ZKSCAN5: variants seen among roughly 807,000 people sequenced by gnomAD.
ZKSCAN5 encodes zinc finger protein with KRAB and SCAN domains 5.
A neutral mutation model predicts 60.0 loss-of-function variants in ZKSCAN5; 28 were observed. The ratio of observed to expected loss-of-function variants is 0.47; its 90% CI spans 0.35 to 0.64. The LOEUF (loss-of-function observed/expected upper bound fraction) is 0.64. Among genes scored for constraint, ZKSCAN5 ranks in the 30% least tolerant of loss-of-function variants. The pLI is 0.01. For synonymous variants in ZKSCAN5, 361 were observed against 371.2 expected, an observed-to-expected ratio of 0.97 and a Z score of 0.31; for missense variants, 881 against 1,034.6, an observed-to-expected ratio of 0.85 and a Z score of 2.04.
In ZKSCAN5 at chr7:99,513,075, G is replaced by T. The variant is rs1214984425; in HGVS notation, c.553+484G>T. Among the ~76,000 whole-genome samples, 11 of 148,612 alleles carry T rather than the reference G, an allele frequency of 7.4e-5. No homozygotes were observed. In the Admixed American group the frequency reaches 7.6e-4, roughly 10 times the overall value. On this transcript the variant is annotated intron_variant, in intron 3 of 6. Coordinates refer to ENST00000326775, the MANE Select transcript of ZKSCAN5 (RefSeq NM_145102.4). ...TCCCACCTATGAGTGAGAATATGCGGTGTTTGGTTTTTTGTTCTTGCGATA... is the reference window on the plus strand; with the variant it reads ...TCCCACCTATGAGTGAGAATATGCGTTGTTTGGTTTTTTGTTCTTGCGATA...
intron 2 of ZKSCAN5, among the ~76,000 whole-genome samples, chr7:99,509,267 G>A (rs1800908019): frequency 6.6e-6 from 1 of 152,174 alleles, no homozygotes; most frequent in African/African-American, 2.4e-5. Context: ...GGGATTACAG[G>A]CGTAAGCCAC....
intron 5 of ZKSCAN5, among the ~76,000 whole-genome samples, chr7:99,522,498 G>C (rs1052866844): frequency 6.6e-6 from 1 of 150,602 alleles, no homozygotes; most frequent in African/African-American, 2.4e-5. Context: ...TTTTGAGACA[G>C]TGTCTCGCTC....
chr7:99,515,012 G>C (rs1216481081), intron 3 of ZKSCAN5, among the ~76,000 whole-genome samples: 1 of 151,922 alleles, frequency 6.6e-6, no homozygotes, highest in Non-Finnish European at 1.5e-5. Flanking sequence ...CCAGGAATTC[G>C]AGGCTGCAGT....
intron 2 of ZKSCAN5, among the ~76,000 whole-genome samples, chr7:99,510,926 T>A (rs763452502): frequency 6.6e-6 from 1 of 152,048 alleles, no homozygotes; most frequent in Non-Finnish European, 1.5e-5. Context: ...ATATTTTTAG[T>A]AGAGGTGTGG....
Position 99,532,228 on chromosome 7 carries a change from T to G in ZKSCAN5, c.2499T>G (p.Ser833Arg). The change falls in exon 7 of 7, where the codon AGT becomes AGG. Residue 833 changes from serine (S) to arginine (R), a missense_variant. By Grantham distance (110) the Ser-to-Arg change is moderately radical (BLOSUM62 -1). Transcript: ENST00000326775. ...HERTDPINTL[S>R]VEGSLL The stretch of plus-strand genomic sequence containing the variant: ...GGACAGATCCCATAAATACCTTAAG[T>G]GTAGAGGGGTCTCTGTTGTAGAATA... 1 of 1,589,634 alleles carries G rather than the reference T, an allele frequency of 6.3e-7. No individual in the cohort carries two copies. Among genetic ancestry groups the G allele is most frequent in the Non-Finnish European group, 8.5e-7 (1 of 1,171,612 alleles).
chr7:99,524,997 C>G (rs1207141454), intron 5 of ZKSCAN5, among the ~76,000 whole-genome samples: 1 of 151,452 alleles, frequency 6.6e-6, no homozygotes, highest in African/African-American at 2.4e-5. Flanking sequence ...GACACCCTGT[C>G]TCTGCTAAAA....
intron 5 of ZKSCAN5, 81 bp downstream of exon 5, chr7:99,520,385 T>C: frequency 6.8e-7 from 1 of 1,469,904 alleles, no homozygotes; most frequent in Non-Finnish European, 9.1e-7. Context: ...CATCTTATAA[T>C]GGCATTTATG....
rs774509272 is a variant in ZKSCAN5, at chr7:99,512,571, C to G, written c.533C>G (p.Pro178Arg). The G allele has an allele frequency of 6.2e-7, 1 of 1,614,016 alleles. No homozygotes were observed. The highest frequency in any genetic ancestry group is 8.5e-7 in the Non-Finnish European group (1 of 1,180,000). The change falls in exon 3 of 7, where the codon CCT becomes CGT. Residue 178 changes from proline (P) to arginine (R), a missense_variant. Pro to Arg is a moderately radical substitution (Grantham distance 103). Around this residue, in one of 5 missense-constraint regions of ZKSCAN5, gnomAD observed 490 missense variants for 554.5 expected, o/e 0.88. Coordinates refer to ENST00000326775, the MANE Select transcript of ZKSCAN5 (RefSeq NM_145102.4). ...DTQPEQAPQK[P>R]RLLEENALPV... The stretch of plus-strand genomic sequence containing the variant: ...CAGCCTGAGCAAGCGCCACAGAAGC[C>G]TCGTCTCCTGGAGGAAAATGGTGAG...
At chr7:99,512,314 G>T in intron 2 of ZKSCAN5, 139 bp from the exon 3 acceptor site, 1 of 1,019,682 alleles carries the variant, frequency 9.8e-7, no homozygotes, top group Non-Finnish European at 1.4e-6. Context: ...TTAAGTAACT[G>T]CATAATCAGT....
intron 3 of ZKSCAN5, 92 bp from the exon 4 acceptor site, chr7:99,519,735 C>A: frequency 7.9e-7 from 1 of 1,266,782 alleles, no homozygotes; most frequent in Non-Finnish European, 1.1e-6. Flanking sequence ...GCAGTAGGGG[C>A]CATTATGGAT....
At chr7:99,506,553 T>C (rs1800740701) in intron 2 of ZKSCAN5, 95 bp downstream of exon 2, 11 of 1,418,270 alleles carry the variant, frequency 7.8e-6, no homozygotes, top group Non-Finnish European at 9.4e-6. Context: ...GCTTCATTCA[T>C]ATTCTTTTGT....
At position 99,517,640 on chromosome 7, in the gene ZKSCAN5, C is replaced by G. The variant is rs567100684; in HGVS notation, c.554-2187C>G. 3.3e-5 allele frequency among the ~76,000 whole-genome samples: 5 copies of G among 152,108 alleles called. No homozygotes were observed. The South Asian group carries it at 1.0e-3, about 32-fold the overall frequency. ...AGGTTGCAGTTGGCCAAGATTGTATCACTACACTTCAGCCTGGGCAACAGA... is the reference window on the plus strand; with the variant it reads ...AGGTTGCAGTTGGCCAAGATTGTATGACTACACTTCAGCCTGGGCAACAGA... On this transcript the variant is annotated intron_variant, in intron 3 of 6. Coordinates refer to ENST00000326775, the MANE Select transcript of ZKSCAN5 (RefSeq NM_145102.4).
Position 99,512,563 on chromosome 7 carries a change from A to G in ZKSCAN5, c.525A>G (p.Pro175=). Residue 175 remains proline, a synonymous_variant, in exon 3 of 7, where the codon CCA becomes CCG. Coordinates refer to ENST00000326775, the MANE Select transcript of ZKSCAN5 (RefSeq NM_145102.4). ...TGGACACCCAGCCTGAGCAAGCGCC[A>G]CAGAAGCCTCGTCTCCTGGAGGAAA... ...LTVDTQPEQA[P]QKPRLLEENA... is the part of the protein sequence containing the mutation. 1 of 1,614,146 alleles carries G rather than the reference A, an allele frequency of 6.2e-7. No individual in the cohort carries two copies. The highest frequency in any genetic ancestry group is 8.5e-7 in the Non-Finnish European group (1 of 1,180,008).
In ZKSCAN5 at chr7:99,506,330, G is replaced by A. The variant is rs1800725286; in HGVS notation, c.286G>A (p.Glu96Lys). Residue 96 changes from glutamate to lysine, a missense_variant, in exon 2 of 7, where the codon GAG (glutamate) becomes AAG (lysine). Glu to Lys is a moderately conservative substitution (Grantham distance 56, BLOSUM62 1). Coordinates refer to ENST00000326775, the MANE Select transcript of ZKSCAN5 (RefSeq NM_145102.4). ...GCAGATCCTGGAGCTGCTGGTGCTG[G>A]AGCAGTTCCTGACCATCCTGCCTGA... Reference protein sequence around the residue: ...KEQILELLVLEQFLTILPEEF... With the variant: ...KEQILELLVLKQFLTILPEEF... 1.4e-5 allele frequency: 22 copies of A among 1,614,234 alleles called. No homozygotes were observed. Among genetic ancestry groups the A allele is most frequent in the Non-Finnish European group, 1.9e-5 (22 of 1,180,044 alleles).
intron 3 of ZKSCAN5, among the ~76,000 whole-genome samples, chr7:99,514,764 C>T (rs997939950): frequency 4.6e-5 from 7 of 151,928 alleles, no homozygotes; most frequent in South Asian, 2.1e-4. Flanking sequence ...AAAAATTAGC[C>T]GGGCGTGGTG....
At position 99,533,753 on chromosome 7, in the gene ZKSCAN5, C is replaced by G. The variant is rs1012179775; in HGVS notation, c.*1504C>G. The G allele has an allele frequency of 1.3e-5, 5 of 397,856 alleles. No individual in the cohort carries two copies. The highest frequency in any genetic ancestry group is 4.4e-5 in the Admixed American group (1 of 22,740). 24.6% of individuals were successfully genotyped at this position (397,856 alleles called of 1,614,324 possible). On this transcript the variant is annotated 3_prime_UTR_variant, in exon 7 of 7. Transcript: ENST00000326775. ...TCTGAGCCTTCATCCGTGCTAAGCT[C>G]TCTCCCTTCTCTATCCTGTTTCATT... is the stretch of plus-strand genomic sequence containing the variant.
At chr7:99,530,155 T>C (rs1205643332) in intron 6 of ZKSCAN5, among the ~76,000 whole-genome samples, 1 of 148,768 alleles carries the variant, frequency 6.7e-6, no homozygotes, top group East Asian at 2.0e-4. Context: ...TGCCTCAGCC[T>C]CCTGAGTAGC....
intron 2 of ZKSCAN5, among the ~76,000 whole-genome samples, chr7:99,508,623 C>T (rs966059112): frequency 6.6e-6 from 1 of 151,684 alleles, no homozygotes; most frequent in Non-Finnish European, 1.5e-5. Flanking sequence ...GTGGCATGCA[C>T]CTGTAGTCTC....
At chr7:99,516,942 G>T (rs1252416783) in intron 3 of ZKSCAN5, among the ~76,000 whole-genome samples, 1 of 152,154 alleles carries the variant, frequency 6.6e-6, no homozygotes, top group African/African-American at 2.4e-5. Flanking sequence ...AGACCAAGGG[G>T]TGTCCAATCT....
Sources: gnomAD v4.1 joint callset for allele counts (sites outside exome capture counted in the v4.1 genomes callset) on GRCh38, gnomAD v4.1.1 for gene constraint, gnomAD v4.1.1 regional missense constraint, MANE v1.5 for transcripts, NCBI Gene and HGNC (gene_info 2026-07-23, HGNC 2026-07-21) for gene names.